The following TRAPPC9 variants were observed in gnomAD, a reference collection of about 807,000 sequenced individuals.
TRAPPC9 encodes the protein IKK2 binding protein.
A neutral mutation model predicts 124.0 loss-of-function variants in TRAPPC9; 83 were observed. That is an observed-to-expected ratio of 0.67 (90% CI 0.56 to 0.80). The LOEUF (loss-of-function observed/expected upper bound fraction) is 0.80. Ranked by LOEUF, TRAPPC9 falls within the 30% of genes least tolerant of loss-of-function variation. TRAPPC9 has a pLI of 0.00. For synonymous variants in TRAPPC9, 638 were observed against 617.5 expected, an observed-to-expected ratio of 1.03 and a Z score of -0.49; for missense variants, 1,302 against 1,508.3, an observed-to-expected ratio of 0.86 and a Z score of 2.27.
chr8:139,982,397 G>A (rs368470116), intron 19 of TRAPPC9, among the ~76,000 whole-genome samples: 15 of 152,138 alleles, frequency 9.9e-5, no homozygotes, highest in African/African-American at 3.6e-4. Flanking sequence ...TTTACTCATA[G>A]GGAAAAATGA....
At chr8:139,874,459 G>A (rs1563882536) in intron 21 of TRAPPC9, among the ~76,000 whole-genome samples, 1 of 152,240 alleles carries the variant, frequency 6.6e-6, no homozygotes, top group South Asian at 2.1e-4. Context: ...CCATGCTGGG[G>A]GTGGGGAAAC....
chr8:139,821,135 A>C (rs1825222753), intron 21 of TRAPPC9, among the ~76,000 whole-genome samples: 1 of 152,266 alleles, frequency 6.6e-6, no homozygotes, highest in Admixed American at 6.5e-5. Flanking sequence ...GATAAGAAAA[A>C]GCCACACAAT....
intron 16 of TRAPPC9, among the ~76,000 whole-genome samples, chr8:140,234,760 T>C (rs2063690830): frequency 6.6e-6 from 1 of 152,236 alleles, no homozygotes; most frequent in African/African-American, 2.4e-5. Context: ...AACAAATACT[T>C]GTGAGTACTT....
At chr8:140,453,036 C>T (rs1477761394) in intron 1 of TRAPPC9, among the ~76,000 whole-genome samples, 1 of 152,162 alleles carries the variant, frequency 6.6e-6, no homozygotes. Flanking sequence ...TAGGATCCCT[C>T]AGTATTATTT....
chr8:140,440,862 C>T (rs1477988083), intron 2 of TRAPPC9, among the ~76,000 whole-genome samples: 1 of 152,162 alleles, frequency 6.6e-6, no homozygotes, highest in Non-Finnish European at 1.5e-5. Flanking sequence ...TCACAACTTC[C>T]ACTCTCTTTT....
At chr8:140,035,735 G>A (rs1840833408) in intron 17 of TRAPPC9, among the ~76,000 whole-genome samples, 1 of 152,172 alleles carries the variant, frequency 6.6e-6, no homozygotes, top group Non-Finnish European at 1.5e-5. Context: ...CACACTGAAG[G>A]CCACTGATAA....
intron 17 of TRAPPC9, among the ~76,000 whole-genome samples, chr8:140,211,671 C>A (rs1438963905): frequency 6.6e-6 from 1 of 152,120 alleles, no homozygotes; most frequent in African/African-American, 2.4e-5. Context: ...GTTAGAATCC[C>A]AAAAAACCCA....
chr8:140,207,923 G>C (rs545064786), intron 17 of TRAPPC9, among the ~76,000 whole-genome samples: 1 of 152,144 alleles, frequency 6.6e-6, no homozygotes, highest in Non-Finnish European at 1.5e-5. Context: ...AGGCCAAGGC[G>C]GGAGGATCAC....
In TRAPPC9 at chr8:140,241,816, G is replaced by A. The variant is rs1057181513; in HGVS notation, c.2431+10961C>T. 2.0e-5 allele frequency among the ~76,000 whole-genome samples: 3 copies of A among 152,264 alleles called. No homozygotes were observed. Among genetic ancestry groups the A allele is most frequent in the Middle Eastern group, 3.4e-3 (1 of 294 alleles). On this transcript the variant is annotated intron_variant, in intron 16 of 22. Coordinates refer to ENST00000438773, the MANE Select transcript of TRAPPC9 (RefSeq NM_001160372.4). This position sits in a 1 kb window ranked among gnomAD's most constrained non-coding sequence, Gnocchi z 5.0. The stretch of plus-strand genomic sequence containing the variant: ...TCTGAACTCAGGGTGTGGAACACTC[G>A]GCAGCCTTCGCAGCGTGCCTTCCGT...
chr8:140,193,817 A>G (rs1162238153), intron 17 of TRAPPC9, among the ~76,000 whole-genome samples: 2 of 152,148 alleles, frequency 1.3e-5, no homozygotes, highest in Non-Finnish European at 2.9e-5. Flanking sequence ...TGAAGACTGT[A>G]ATACCTATCT....
In TRAPPC9 at chr8:140,182,348, G is replaced by T. The variant is rs2062224139; in HGVS notation, c.2556+39111C>A. On this transcript the variant is annotated intron_variant, in intron 17 of 22. Transcript: ENST00000438773. This position sits in a 1 kb window ranked among gnomAD's most constrained non-coding sequence, Gnocchi z 4.0. ...TCAACTAAAAAAAAAAAAAAATACG[G>T]CTTGGGAATGTTGGCTTCCAAAAGT... Among the ~76,000 whole-genome samples, 2 of 150,862 alleles carry T rather than the reference G, an allele frequency of 1.3e-5. No individual in the cohort carries two copies. Among genetic ancestry groups the T allele is most frequent in the South Asian group, 4.2e-4 (2 of 4,792 alleles).
chr8:140,021,168 T>A (rs1839816219), intron 18 of TRAPPC9, among the ~76,000 whole-genome samples: 1 of 152,238 alleles, frequency 6.6e-6, no homozygotes, highest in Admixed American at 6.5e-5. Flanking sequence ...GACTGTACGT[T>A]CCTTGTTCTT....
rs940217221 is a variant in TRAPPC9 at position 140,439,168 on chromosome 8, A to G, written c.614T>C (p.Met205Thr). The G allele has an allele frequency of 8.7e-6, 14 of 1,614,252 alleles. No homozygotes were observed. Among genetic ancestry groups the G allele is most frequent in the Non-Finnish European group, 8.5e-6 (10 of 1,180,046 alleles). ...RHYKKRCQGR[M>T]RKHVGDLCLQ... ...GCACAGGTCCCCCACGTGCTTCCGC[A>G]TGCGGCCTTGGCACCGCTTCTTGTA... Residue 205 changes from methionine to threonine, a missense_variant, in exon 3 of 23, where the codon ATG (methionine) becomes ACG (threonine). By Grantham distance (81) the Met-to-Thr change is moderately conservative (BLOSUM62 -1). Around this residue, in one of 3 missense-constraint regions of TRAPPC9, gnomAD observed 657 missense variants for 811.2 expected, o/e 0.81. Transcript: ENST00000438773.
intron 21 of TRAPPC9, among the ~76,000 whole-genome samples, chr8:139,852,113 T>C (rs1392505248): frequency 3.9e-5 from 6 of 152,212 alleles, no homozygotes; most frequent in African/African-American, 7.2e-5. Flanking sequence ...CTGATGATTA[T>C]AAGGAGCTTT....
intron 21 of TRAPPC9, among the ~76,000 whole-genome samples, chr8:139,780,075 C>T (rs189770779): frequency 4.1e-4 from 63 of 152,238 alleles, no homozygotes; most frequent in Non-Finnish European, 7.2e-4. Context: ...TCAATATTGT[C>T]AAGATGTCAG....
intron 21 of TRAPPC9, among the ~76,000 whole-genome samples, chr8:139,787,804 G>A (rs539741520): frequency 6.6e-6 from 1 of 152,336 alleles, no homozygotes; most frequent in Admixed American, 6.5e-5. Context: ...GACCCCACAG[G>A]AAGACGGCTC....
intron 21 of TRAPPC9, among the ~76,000 whole-genome samples, chr8:139,856,297 C>A (rs1330763114): frequency 6.6e-6 from 1 of 152,126 alleles, no homozygotes; most frequent in Admixed American, 6.5e-5. Flanking sequence ...CAGCCTTTGG[C>A]CACCTCTCCC....
chr8:139,757,832 C>A (rs1819957696), intron 21 of TRAPPC9, among the ~76,000 whole-genome samples: 1 of 152,130 alleles, frequency 6.6e-6, no homozygotes, highest in East Asian at 1.9e-4. Context: ...GCACTGCTGG[C>A]GGGCTCGCCT....
At chr8:140,377,978 G>GA (rs942075460) in intron 7 of TRAPPC9, among the ~76,000 whole-genome samples, 5 of 152,078 alleles carry the variant, frequency 3.3e-5, no homozygotes, top group African/African-American at 1.2e-4. Context: ...AATACTTTGG[G>GA]ATACTTAAAT....
Sources: allele counts gnomAD v4.1 joint callset (sites outside exome capture counted in the v4.1 genomes callset), GRCh38; gene constraint gnomAD v4.1.1; regional missense constraint gnomAD v4.1.1; non-coding constraint Gnocchi (gnomAD v3.1); transcripts MANE v1.5; gene names NCBI Gene and HGNC (gene_info 2026-07-23, HGNC 2026-07-21).